Variants in DPP6 observed in about 807,000 individuals in gnomAD.
The protein encoded by DPP6 is A-type potassium channel modulatory protein DPP6.
In DPP6, 69 loss-of-function variants were observed where a neutral mutation model predicts 122.6. The observed-to-expected ratio is 0.56, with a 90% CI of 0.46 to 0.69. The LOEUF (loss-of-function observed/expected upper bound fraction) is 0.69. Among genes scored for constraint, DPP6 ranks in the 30% least tolerant of loss-of-function variants. DPP6 has a pLI of 0.00. For missense variants in DPP6, 928 were observed against 1,116.9 expected (o/e 0.83, Z 2.41); for synonymous variants, 418 against 433.1 (o/e 0.97, Z 0.43).
chr7:154,704,703 T>G (rs1840727986), intron 7 of DPP6, among the ~76,000 whole-genome samples: 1 of 152,206 alleles, frequency 6.6e-6, no homozygotes, highest in Non-Finnish European at 1.5e-5. Context: ...AACAAAACAT[T>G]TTTAATAACT....
chr7:153,885,210 T>C (rs1798866393), upstream of DPP6, among the ~76,000 whole-genome samples: 2 of 151,760 alleles, frequency 1.3e-5, no homozygotes, highest in African/African-American at 4.8e-5. Context: ...CGGATTTAGA[T>C]TGGTGATATA....
At position 154,147,787 on chromosome 7, in the gene DPP6, G is replaced by T. The variant is rs567226265; in HGVS notation, c.243+94724G>T. On this transcript the variant is annotated intron_variant, in intron 1 of 25. Transcript: ENST00000377770. ...TTGAACTCCTGATCTCAGGTGATCCGCCTGCCTCAGCCTCCCAAAGTGCTG... is the reference window on the plus strand; with the variant it reads ...TTGAACTCCTGATCTCAGGTGATCCTCCTGCCTCAGCCTCCCAAAGTGCTG... 3.4e-3 allele frequency among the ~76,000 whole-genome samples: 513 copies of T among 151,958 alleles called. 3 individuals are homozygous for T. The highest frequency in any genetic ancestry group is 0.012 in the African/African-American group (483 of 41,426).
chr7:153,770,993 G>A, the DPP6 span, among the ~76,000 whole-genome samples: 1 of 152,098 alleles, frequency 6.6e-6, no homozygotes, highest in African/African-American at 2.4e-5. Context: ...GCTTAACATA[G>A]GCATTATTGA....
At chr7:154,794,247 A>T (rs1340546327) in intron 11 of DPP6, 45 bp downstream of exon 11, 2 of 1,539,062 alleles carry the variant, frequency 1.3e-6, no homozygotes, top group Non-Finnish European at 1.8e-6. Context: ...TGAAGAACCG[A>T]TGGTCAGACG....
the DPP6 span, among the ~76,000 whole-genome samples, chr7:153,749,464 C>G: frequency 6.6e-6 from 1 of 152,110 alleles, no homozygotes; most frequent in East Asian, 1.9e-4. This position sits in a 1 kb window ranked among gnomAD's most constrained non-coding sequence, Gnocchi z 4.1. Flanking sequence ...GGCGCTGGCG[C>G]TGGCTGCTGT....
At chr7:154,398,046 T>A (rs4726414) in intron 1 of DPP6, among the ~76,000 whole-genome samples, 9,575 of 152,250 alleles carry the variant, frequency 0.063, 976 homozygotes, top group African/African-American at 0.21. Flanking sequence ...ATGGCAGAAT[T>A]CTGGGCATGG....
intron 1 of DPP6, among the ~76,000 whole-genome samples, chr7:154,219,055 C>A: frequency 6.6e-6 from 1 of 152,348 alleles, no homozygotes; most frequent in South Asian, 2.1e-4. Context: ...CACTGAATCT[C>A]TATCATTCTG....
At chr7:154,459,936 C>T in intron 2 of DPP6, among the ~76,000 whole-genome samples, 1 of 150,418 alleles carries the variant, frequency 6.6e-6, no homozygotes, top group East Asian at 1.9e-4. Flanking sequence ...TCACTTTCCA[C>T]CATTTCTGAT....
In DPP6 at chr7:154,341,877, AAG is replaced by A. The variant is rs561883916; in HGVS notation, c.244-104333_244-104332del. Among the ~76,000 whole-genome samples, 304 of 152,198 alleles carry A rather than the reference AAG, an allele frequency of 2.0e-3. 2 individuals carry two copies. Among genetic ancestry groups the A allele is most frequent in the African/African-American group, 6.5e-3 (270 of 41,540 alleles). On this transcript the variant is annotated intron_variant, in intron 1 of 25. Transcript: ENST00000377770. ...AAGGCAATACATTTAGAACCAATTA[AAG>A]AGAACATTTTTAGCACAGGGTGTGG...
intron 1 of DPP6, among the ~76,000 whole-genome samples, chr7:154,062,289 T>C (rs189226008): frequency 0.14 from 9,557 of 67,368 alleles, 2,155 homozygotes; most frequent in East Asian, 0.26. Context: ...AGCCAGTCCC[T>C]CTTCCCCCCC....
chr7:154,807,987 G>T (rs1048830245), intron 16 of DPP6, among the ~76,000 whole-genome samples: 5 of 152,190 alleles, frequency 3.3e-5, no homozygotes, highest in African/African-American at 1.2e-4. Flanking sequence ...GGATACAAAG[G>T]ATATTTTTGC....
intron 8 of DPP6, among the ~76,000 whole-genome samples, chr7:154,745,932 G>T (rs1253040183): frequency 6.6e-6 from 1 of 152,126 alleles, no homozygotes; most frequent in Non-Finnish European, 1.5e-5. Flanking sequence ...CAACATTGGG[G>T]ATCAAATTTC....
chr7:154,758,750 G>A (rs982889346), intron 8 of DPP6, among the ~76,000 whole-genome samples: 10 of 152,094 alleles, frequency 6.6e-5, no homozygotes, highest in African/African-American at 2.2e-4. Flanking sequence ...TTGTTTGTTT[G>A]TTTGTTTGTT....
intron 1 of DPP6, among the ~76,000 whole-genome samples, chr7:154,275,303 C>A (rs572287675): frequency 6.6e-6 from 1 of 152,326 alleles, no homozygotes; most frequent in South Asian, 2.1e-4. Context: ...CTCCTTCCCT[C>A]TGTGTCCCCT....
intron 1 of DPP6, among the ~76,000 whole-genome samples, chr7:154,262,535 G>A (rs1021213045): frequency 5.9e-5 from 9 of 151,996 alleles, no homozygotes; most frequent in Admixed American, 5.2e-4. Context: ...TTGATCTCGG[G>A]CTTTCGGCCT....
At chr7:153,854,938 G>C in the DPP6 span, among the ~76,000 whole-genome samples, 1 of 145,120 alleles carries the variant, frequency 6.9e-6, no homozygotes, top group African/African-American at 2.6e-5. Flanking sequence ...GTCCTTTGTA[G>C]GGACATGGAT....
Position 154,803,811 on chromosome 7 carries a change from G to T in DPP6, c.1408-53G>T, listed in dbSNP as rs555697478. ...AAACAGTTGGAGGATGAAGAGCCAT[G>T]CTGGGGCCGGGACACCGGTGTCTGC... On this transcript the variant is annotated intron_variant, in intron 13 of 25. Transcript: ENST00000377770. 6.9e-6 allele frequency: 11 copies of T among 1,583,130 alleles called. No homozygotes were observed. In the East Asian group the frequency reaches 1.8e-4, roughly 26 times the overall value.
At chr7:153,883,883 C>T (rs1798822423), upstream of DPP6, among the ~76,000 whole-genome samples, 1 of 152,210 alleles carries the variant, frequency 6.6e-6, no homozygotes, top group African/African-American at 2.4e-5. Flanking sequence ...GGGTCACAAG[C>T]TGGGCAGGAG....
the DPP6 span, among the ~76,000 whole-genome samples, chr7:153,757,132 G>T: frequency 1.3e-5 from 2 of 152,172 alleles, no homozygotes; most frequent in African/African-American, 2.4e-5. Flanking sequence ...AGAGATGGAG[G>T]AAGTTATGTA....
Sources: allele counts gnomAD v4.1 joint callset (sites outside exome capture counted in the v4.1 genomes callset), GRCh38; gene constraint gnomAD v4.1.1; non-coding constraint Gnocchi (gnomAD v3.1); transcripts MANE v1.5; gene names NCBI Gene and HGNC (gene_info 2026-07-23, HGNC 2026-07-21).